Variants in CUL5 observed in about 807,000 individuals in gnomAD.
The protein encoded by CUL5 is cullin 5, also known as cullin-5.
A neutral mutation model predicts 108.8 loss-of-function variants in CUL5; 26 were observed. That is an observed-to-expected ratio of 0.24 (90% CI 0.18 to 0.33). The LOEUF is 0.33. Among genes scored for constraint, CUL5 ranks in the 10% least tolerant of loss-of-function variants. The probability of loss-of-function intolerance (pLI) is 1.00; values close to 1 mark genes in which losing one functional copy is unlikely to be tolerated. For synonymous variants in CUL5, 334 were observed against 298.0 expected (o/e 1.12, Z -1.25); for missense variants, 524 against 909.2 (o/e 0.58, Z 5.45).
chr11:108,020,597 G>A (rs370893235), intron 1 of CUL5, among the ~76,000 whole-genome samples: 1 of 151,690 alleles, frequency 6.6e-6, no homozygotes, highest in Non-Finnish European at 1.5e-5. Context: ...GCCCAGGCTG[G>A]TCTCAAACTC....
In CUL5 at chr11:108,070,158, C is replaced by T; in HGVS notation, c.843C>T (p.Cys281=). Reference sequence around the variant, plus strand: ...TTAAAGAGACTATCTTAGCTGAGTGCCAAGGCATGATCAAGAGAAATGAAA... The same window carrying T: ...TTAAAGAGACTATCTTAGCTGAGTGTCAAGGCATGATCAAGAGAAATGAAA... ...TSFKETILAE[C]QGMIKRNETE... Residue 281 remains cysteine, a synonymous_variant, in exon 8 of 19, where the codon TGC becomes TGT. Transcript: ENST00000393094. 6.2e-7 allele frequency: 1 copy of T among 1,611,224 alleles called. No homozygotes were observed. Among genetic ancestry groups the T allele is most frequent in the Non-Finnish European group, 8.5e-7 (1 of 1,178,090 alleles).
In CUL5 at chr11:108,095,695, G is replaced by A; in HGVS notation, c.1905+4G>A. 1 of 1,605,262 alleles carries A rather than the reference G, an allele frequency of 6.2e-7. No homozygotes were observed. The highest frequency in any genetic ancestry group is 8.5e-7 in the Non-Finnish European group (1 of 1,177,372). On this transcript the variant is annotated splice_donor_region_variant and intron_variant, in intron 16 of 18. Coordinates refer to ENST00000393094, the MANE Select transcript of CUL5 (RefSeq NM_003478.6). ...TGAACTTAGGAGGACTTTATGGGTT[G>A]GTTTATGTTTTTTTGTTTTTAAGAC...
intron 1 of CUL5, among the ~76,000 whole-genome samples, chr11:108,016,646 A>G (rs1208092804): frequency 6.6e-6 from 1 of 152,182 alleles, no homozygotes; most frequent in Non-Finnish European, 1.5e-5. Flanking sequence ...GGTGGAGGAA[A>G]TAGATGCCTC....
At chr11:108,016,062 C>T (rs900285216) in intron 1 of CUL5, among the ~76,000 whole-genome samples, 1 of 152,064 alleles carries the variant, frequency 6.6e-6, no homozygotes, top group African/African-American at 2.4e-5. Context: ...GCTGAGACTA[C>T]AGGCACATAC....
At chr11:108,093,012 C>T (rs1046051374) in intron 13 of CUL5, among the ~76,000 whole-genome samples, 1 of 152,014 alleles carries the variant, frequency 6.6e-6, no homozygotes, top group Non-Finnish European at 1.5e-5. Context: ...AGATGGGTTT[C>T]ACCATGTTAG....
intron 18 of CUL5, among the ~76,000 whole-genome samples, chr11:108,099,069 A>G (rs1024093084): frequency 1.4e-5 from 2 of 143,426 alleles, no homozygotes; most frequent in African/African-American, 2.6e-5. Context: ...CAGTGGCACC[A>G]TCTTAACTCA....
At chr11:108,078,694 G>A (rs1863998198) in intron 11 of CUL5, among the ~76,000 whole-genome samples, 1 of 152,118 alleles carries the variant, frequency 6.6e-6, no homozygotes, top group African/African-American at 2.4e-5. Flanking sequence ...GCTAGTTATA[G>A]CACTTTCAGA....
intron 7 of CUL5, among the ~76,000 whole-genome samples, chr11:108,061,629 CCTCT>C (rs919587606): frequency 6.6e-6 from 1 of 152,122 alleles, no homozygotes; most frequent in Non-Finnish European, 1.5e-5. Flanking sequence ...TCCATTCCTT[CCTCT>C]CTATTTCCCT....
At chr11:108,095,315 C>A (rs1208603895) in intron 15 of CUL5, among the ~76,000 whole-genome samples, 1 of 152,188 alleles carries the variant, frequency 6.6e-6, no homozygotes, top group Non-Finnish European at 1.5e-5. Context: ...TTTGCATCCG[C>A]CAGTACTCAG....
intron 1 of CUL5, among the ~76,000 whole-genome samples, chr11:108,018,745 T>C (rs528874794): frequency 3.6e-4 from 55 of 152,294 alleles, no homozygotes; most frequent in Non-Finnish European, 6.5e-4. Flanking sequence ...TTATTTTTAT[T>C]AAGCCACCTC....
At chr11:108,041,232 T>C (rs1281734993) in intron 2 of CUL5, among the ~76,000 whole-genome samples, 2 of 152,140 alleles carry the variant, frequency 1.3e-5, no homozygotes, top group Admixed American at 1.3e-4. Context: ...GGTGTTCCCT[T>C]AGTAAATCTC....
At chr11:108,098,700 A>G (rs1387520834) in intron 18 of CUL5, among the ~76,000 whole-genome samples, 171 bp downstream of exon 18, 1 of 151,954 alleles carries the variant, frequency 6.6e-6, no homozygotes, top group Non-Finnish European at 1.5e-5. Context: ...TGGGCAACAA[A>G]GTGAGATCTT....
chr11:108,066,557 G>A (rs561508039), intron 7 of CUL5, among the ~76,000 whole-genome samples: 8 of 152,124 alleles, frequency 5.3e-5, no homozygotes, highest in African/African-American at 1.9e-4. Flanking sequence ...ATCTTGCAAG[G>A]ATTCTTTTAA....
chr11:108,074,293 C>T (rs1863895356), intron 10 of CUL5, among the ~76,000 whole-genome samples: 1 of 147,704 alleles, frequency 6.8e-6, no homozygotes, highest in East Asian at 2.0e-4. Context: ...CTCCCAGGTT[C>T]AAGCGATTCT....
At position 108,009,251 on chromosome 11, in the gene CUL5, G is replaced by A. The variant is rs1461145576; in HGVS notation, c.-98G>A. On this transcript the variant is annotated 5_prime_UTR_variant, in exon 1 of 19. Transcript: ENST00000393094. ...CACCACACCCTGGTGCGGGCCGACG[G>A]GCCCTGGGCCCTGGTGGGAGCTCCG... 1.5e-6 allele frequency: 2 copies of A among 1,366,790 alleles called. No individual in the cohort carries two copies. Among genetic ancestry groups the A allele is most frequent in the African/African-American group, 2.9e-5 (2 of 69,910 alleles). 84.7% of individuals were successfully genotyped at this position (1,366,790 alleles called of 1,614,324 possible). A position where few individuals can be genotyped will look rare whatever the true frequency, so the allele number is the denominator to read the frequency against.
chr11:108,094,609 C>A lies in CUL5; in HGVS notation c.1567+95C>A, dbSNP rs369539899. ...AAAATAAACCTCAGCAGTAATAGAT[C>A]GAAAGATGTTATGAAGTCCATTTCC... is the stretch of plus-strand genomic sequence containing the variant. On this transcript the variant is annotated intron_variant, in intron 14 of 18. Coordinates refer to ENST00000393094, the MANE Select transcript of CUL5 (RefSeq NM_003478.6). 2.1e-5 allele frequency: 18 copies of A among 855,518 alleles called. No homozygotes were observed. The African/African-American group carries it at 2.3e-4, about 11-fold the overall frequency. 53.0% of individuals were successfully genotyped at this position (855,518 alleles called of 1,614,324 possible).
intron 4 of CUL5, among the ~76,000 whole-genome samples, chr11:108,051,028 T>A (rs1863206519): frequency 6.6e-6 from 1 of 152,200 alleles, no homozygotes; most frequent in Non-Finnish European, 1.5e-5. Context: ...TTTAGTCAAT[T>A]TACTGTTTAC....
chr11:108,054,592 T>G (rs1863325772), intron 5 of CUL5, 55 bp from the exon 6 acceptor site: 1 of 1,242,006 alleles, frequency 8.1e-7, no homozygotes, highest in South Asian at 1.5e-5. Flanking sequence ...TTTATTATAC[T>G]CAAAATACTG....
chr11:108,073,467 T>C lies in CUL5; in HGVS notation c.1083T>C (p.Asp361=). ...FSKLVKEAFQ[D]DPRFLTARDK... ...AACTCGTCAAAGAAGCTTTTCAAGATGATCCACGATTTCTTACTGCAAGAG... is the reference window on the plus strand; with the variant it reads ...AACTCGTCAAAGAAGCTTTTCAAGACGATCCACGATTTCTTACTGCAAGAG... Residue 361 remains aspartate, a synonymous_variant, in exon 10 of 19, where the codon GAT becomes GAC. Coordinates refer to ENST00000393094, the MANE Select transcript of CUL5 (RefSeq NM_003478.6). The C allele has an allele frequency of 6.3e-7, 1 of 1,587,172 alleles. No homozygotes were observed. Among genetic ancestry groups the C allele is most frequent in the Non-Finnish European group, 8.6e-7 (1 of 1,161,912 alleles).
Sources: gnomAD v4.1 joint callset for allele counts (sites outside exome capture counted in the v4.1 genomes callset) on GRCh38, gnomAD v4.1.1 for gene constraint, MANE v1.5 for transcripts, NCBI Gene and HGNC (gene_info 2026-07-23, HGNC 2026-07-21) for gene names.